Variants in ARID1B observed in about 807,000 individuals in gnomAD.
The protein encoded by ARID1B is AT-rich interactive domain-containing protein 1B.
Under a neutral mutation model 212.3 loss-of-function variants are expected in ARID1B, and 30 were observed. The ratio of observed to expected loss-of-function variants is 0.14; its 90% CI spans 0.11 to 0.19. The LOEUF (loss-of-function observed/expected upper bound fraction) is 0.19, where lower values mean the gene tolerates loss of function less well. Among genes scored for constraint, ARID1B ranks in the 10% least tolerant of loss-of-function variants. ARID1B has a pLI of 1.00. For synonymous variants in ARID1B, 1,402 were observed against 1,301.7 expected (o/e 1.08, Z -1.66); for missense variants, 2,891 against 3,204.0 (o/e 0.90, Z 2.36).
chr6:156,962,808 G>C (rs935690025), intron 4 of ARID1B, among the ~76,000 whole-genome samples: 3 of 152,044 alleles, frequency 2.0e-5, no homozygotes, highest in Non-Finnish European at 2.9e-5. Context: ...TTTTGAGATG[G>C]AGTCTCACGC....
intron 4 of ARID1B, among the ~76,000 whole-genome samples, chr6:157,075,106 T>G (rs1041295742): frequency 3.9e-5 from 6 of 152,168 alleles, no homozygotes; most frequent in Non-Finnish European, 7.3e-5. Context: ...AAAATTGCAC[T>G]TGAGTGCTAG....
chr6:156,800,367 T>A (rs1298659925), intron 1 of ARID1B, among the ~76,000 whole-genome samples: 1 of 152,150 alleles, frequency 6.6e-6, no homozygotes, highest in Non-Finnish European at 1.5e-5. Flanking sequence ...GGCGGGTGGA[T>A]CATCTAAGGT....
intron 4 of ARID1B, among the ~76,000 whole-genome samples, chr6:157,010,942 C>T (rs1167060166): frequency 6.6e-6 from 1 of 152,206 alleles, no homozygotes; most frequent in Non-Finnish European, 1.5e-5. Flanking sequence ...GGAAAAGAGA[C>T]ATGAGTCATG....
At chr6:156,911,633 T>G (rs208639) in intron 3 of ARID1B, among the ~76,000 whole-genome samples, 30,563 of 152,144 alleles carry the variant, frequency 0.2, 3,390 homozygotes, top group African/African-American at 0.24. Flanking sequence ...TGAGTATGAT[T>G]CCCTGAATGT....
intron 9 of ARID1B, chr6:157,168,652 A>T (rs928188967): frequency 6.6e-6 from 1 of 152,224 alleles, no homozygotes; most frequent in Non-Finnish European, 1.5e-5. Flanking sequence ...CAACAAGCAG[A>T]TGGCCCAGTG....
intron 2 of ARID1B, among the ~76,000 whole-genome samples, chr6:156,838,738 A>G (rs1216804659): frequency 1.1e-5 from 1 of 90,370 alleles, no homozygotes; most frequent in Non-Finnish European, 2.4e-5. Flanking sequence ...ATAATAAACA[A>G]AAAAAACCGC....
chr6:156,910,140 C>T (rs1789748139), intron 3 of ARID1B, among the ~76,000 whole-genome samples: 1 of 152,094 alleles, frequency 6.6e-6, no homozygotes, highest in Admixed American at 6.6e-5. Context: ...TTTGGTTGTC[C>T]CACAACAGTG....
In ARID1B at chr6:157,148,871, G is replaced by A. The variant is rs587779742; in HGVS notation, c.3009G>A (p.Pro1003=). The change falls in exon 8 of 20, where the codon CCG becomes CCA. Residue 1003 remains proline, a synonymous_variant. Coordinates refer to ENST00000636930, the MANE Select transcript of ARID1B (RefSeq NM_001374828.1). This position sits in a 1 kb window ranked among gnomAD's most constrained non-coding sequence, Gnocchi z 5.6. ...AGCAGGGAGGGCCAGGAATGGGGCC[G>A]CCAATGCCAACTGTGAACCGTAAGG... ...MSQQGGPGMG[P]PMPTVNRKAQ... The A allele has an allele frequency of 1.7e-5, 28 of 1,612,794 alleles. No individual in the cohort carries two copies. Among genetic ancestry groups the A allele is most frequent in the Admixed American group, 5.0e-5 (3 of 60,002 alleles).
At chr6:157,005,376 G>A (rs757967081) in intron 4 of ARID1B, among the ~76,000 whole-genome samples, 2 of 151,958 alleles carry the variant, frequency 1.3e-5, no homozygotes, top group Non-Finnish European at 2.9e-5. Flanking sequence ...GGCTGTTCTC[G>A]AACTCCTGAC....
intron 4 of ARID1B, among the ~76,000 whole-genome samples, chr6:156,964,453 C>G (rs1243193407): frequency 1.3e-5 from 2 of 152,144 alleles, no homozygotes; most frequent in African/African-American, 4.8e-5. Context: ...TCCCGTCATC[C>G]CTCATGTGCT....
At chr6:157,123,229 C>A in intron 6 of ARID1B, among the ~76,000 whole-genome samples, 1 of 14,182 alleles carries the variant, frequency 7.1e-5, no homozygotes, top group Non-Finnish European at 1.4e-4. Flanking sequence ...TCTCTCCCCC[C>A]CGCCCCCCGC....
chr6:157,200,867 T>C lies in ARID1B; in HGVS notation c.4642T>C (p.Tyr1548His). 6.2e-7 allele frequency: 1 copy of C among 1,614,026 alleles called. No individual in the cohort carries two copies. Among genetic ancestry groups the C allele is most frequent in the Non-Finnish European group, 8.5e-7 (1 of 1,180,012 alleles). ...CAGGCCCATCCAGGGCCAGTACCCG[T>C]ATCCCTACAGCAGGGAGAGGATGCA... ...DRRPIQGQYP[Y>H]PYSRERMQGP... is the part of the protein sequence containing the mutation. The change falls in exon 18 of 20, where the codon TAT becomes CAT. Residue 1548 changes from tyrosine (Y) to histidine (H), a missense_variant. Transcript: ENST00000636930. The surrounding 1 kb of genome is among the most constrained non-coding windows in gnomAD (Gnocchi z 4.3).
intron 4 of ARID1B, among the ~76,000 whole-genome samples, chr6:157,076,316 G>GCTT (rs139691761): frequency 6.7e-6 from 1 of 148,620 alleles, no homozygotes; most frequent in Non-Finnish European, 1.5e-5. Context: ...TGTTTGTTTT[G>GCTT]TTTTTTTTTC....
chr6:157,186,412 G>T (rs1371790826), intron 13 of ARID1B: 2 of 470,936 alleles, frequency 4.2e-6, no homozygotes, highest in African/African-American at 4.0e-5. Context: ...AAAGCCTCCT[G>T]GTCTCGTCCA....
At chr6:156,978,368 G>C (rs921276593) in intron 4 of ARID1B, among the ~76,000 whole-genome samples, 1 of 152,208 alleles carries the variant, frequency 6.6e-6, no homozygotes, top group African/African-American at 2.4e-5. Context: ...TTGCACCACA[G>C]ATCTTGTCCA....
intron 3 of ARID1B, among the ~76,000 whole-genome samples, chr6:156,913,480 G>A (rs1019609780): frequency 6.6e-6 from 1 of 151,918 alleles, no homozygotes. Context: ...GCCTCCCAAA[G>A]TTCTAGGATT....
rs1428497293 is a variant in ARID1B, at chr6:157,210,706, C to T, written c.*2815C>T. On this transcript the variant is annotated 3_prime_UTR_variant, in exon 20 of 20. Transcript: ENST00000636930. ...GGATGCCCAGACTTTACATGTGTAC[C>T]AAAAAAAAAAAAAAGATAAAAAATA... 1.2e-5 allele frequency: 2 copies of T among 166,928 alleles called. No homozygotes were observed. Among genetic ancestry groups the T allele is most frequent in the African/African-American group, 5.7e-5 (2 of 35,158 alleles). The allele number at this position is 166,928 out of a possible 1,614,324, so 10.3% of individuals were successfully genotyped here.
At chr6:157,051,430 A>G (rs1372896053) in intron 4 of ARID1B, among the ~76,000 whole-genome samples, 1 of 152,236 alleles carries the variant, frequency 6.6e-6, no homozygotes, top group East Asian at 1.9e-4. Flanking sequence ...AATTCAGTAA[A>G]TAATAATTGG....
In ARID1B at chr6:157,207,879, T is replaced by C; in HGVS notation, c.7107T>C (p.Ile2369=). ...ASVICDVLFQ[I]GQL is the part of the protein sequence containing the mutation. Reference sequence around the variant, plus strand: ...TCATCTGTGATGTACTGTTTCAGATTGGGCAGTTATGACATAAGTGAGAAG... The same window carrying C: ...TCATCTGTGATGTACTGTTTCAGATCGGGCAGTTATGACATAAGTGAGAAG... Residue 2369 remains isoleucine (I), a synonymous_variant, in exon 20 of 20, where the codon ATT becomes ATC. Coordinates refer to ENST00000636930, the MANE Select transcript of ARID1B (RefSeq NM_001374828.1). The surrounding 1 kb of genome is among the most constrained non-coding windows in gnomAD (Gnocchi z 8.5). 6.7e-7 allele frequency: 1 copy of C among 1,496,936 alleles called. No individual in the cohort carries two copies. Among genetic ancestry groups the C allele is most frequent in the Non-Finnish European group, 8.9e-7 (1 of 1,120,620 alleles). The allele number at this position is 1,496,936 out of a possible 1,614,324, so 92.7% of individuals were successfully genotyped here.
Sources: allele counts gnomAD v4.1 joint callset (sites outside exome capture counted in the v4.1 genomes callset), GRCh38; gene constraint gnomAD v4.1.1; non-coding constraint Gnocchi (gnomAD v3.1); transcripts MANE v1.5; gene names NCBI Gene and HGNC (gene_info 2026-07-23, HGNC 2026-07-21).